DPYD: variants seen among roughly 807,000 people sequenced by gnomAD.
DPYD encodes dihydropyrimidine dehydrogenase [NADP(+)].
In DPYD, 109 loss-of-function variants were observed where a neutral mutation model predicts 116.2. That is an observed-to-expected ratio of 0.94 (90% confidence interval 0.80 to 1.10). The LOEUF (loss-of-function observed/expected upper bound fraction) is 1.10, where lower values mean the gene tolerates loss of function less well. Among genes scored for constraint, DPYD ranks in the 50% least tolerant of loss-of-function variants. The probability of loss-of-function intolerance (pLI) is 0.00; values close to 1 mark genes in which losing one functional copy is unlikely to be tolerated. For missense variants in DPYD, 1,302 were observed against 1,254.5 expected (o/e 1.04, Z -0.57); for synonymous variants, 440 against 432.0 (o/e 1.02, Z -0.23).
chr1:97,264,697 T>C (rs1266463977), intron 18 of DPYD, among the ~76,000 whole-genome samples: 1 of 152,144 alleles, frequency 6.6e-6, no homozygotes, highest in Non-Finnish European at 1.5e-5. Context: ...CCATATTTTA[T>C]AGATAATAAA....
At chr1:97,398,377 T>G (rs1395972365) in intron 14 of DPYD, among the ~76,000 whole-genome samples, 5 of 152,206 alleles carry the variant, frequency 3.3e-5, no homozygotes, top group Non-Finnish European at 5.9e-5. Flanking sequence ...TCCAAGTCTT[T>G]GCTATTGTGA....
intron 11 of DPYD, among the ~76,000 whole-genome samples, chr1:97,552,884 A>C: frequency 6.6e-6 from 1 of 152,052 alleles, no homozygotes; most frequent in East Asian, 1.9e-4. Context: ...AATAAAAAGA[A>C]AAAGCTGAGA....
intron 14 of DPYD, among the ~76,000 whole-genome samples, chr1:97,392,954 G>C (rs181425058): frequency 1.1e-4 from 17 of 152,076 alleles, no homozygotes; most frequent in Admixed American, 1.1e-3. Flanking sequence ...GTTCTTAAGG[G>C]CATCTAGAAT....
intron 2 of DPYD, among the ~76,000 whole-genome samples, chr1:97,829,797 G>A (rs527786488): frequency 1.3e-5 from 2 of 150,792 alleles, no homozygotes; most frequent in Non-Finnish European, 3.0e-5. Flanking sequence ...GTACAGGAAC[G>A]TGCAGTTTTG....
chr1:97,369,259 T>C (rs1298129975), intron 16 of DPYD, among the ~76,000 whole-genome samples: 1 of 152,122 alleles, frequency 6.6e-6, no homozygotes, highest in African/African-American at 2.4e-5. Flanking sequence ...AACTTTAAAT[T>C]TGGATGCTAA....
chr1:97,735,852 T>C (rs1467424351), intron 4 of DPYD, among the ~76,000 whole-genome samples: 2 of 151,816 alleles, frequency 1.3e-5, no homozygotes, highest in Non-Finnish European at 2.9e-5. Flanking sequence ...TAACAGCATA[T>C]TTGAAACTGG....
intron 13 of DPYD, among the ~76,000 whole-genome samples, chr1:97,491,194 TATA>T (rs1332050598): frequency 2.0e-5 from 3 of 147,818 alleles, no homozygotes; most frequent in African/African-American, 7.4e-5. Flanking sequence ...TTATATATAA[TATA>T]ATTAGTATAT....
At chr1:97,117,510 A>C (rs1031913558) in intron 20 of DPYD, among the ~76,000 whole-genome samples, 2 of 152,188 alleles carry the variant, frequency 1.3e-5, no homozygotes, top group African/African-American at 4.8e-5. Context: ...ACCCACATTC[A>C]TTCTATAAAG....
intron 20 of DPYD, among the ~76,000 whole-genome samples, chr1:97,146,457 T>C (rs994882842): frequency 1.3e-5 from 2 of 152,198 alleles, no homozygotes; most frequent in African/African-American, 4.8e-5. Context: ...AAGCACACCA[T>C]GTCCAAAGGC....
intron 11 of DPYD, among the ~76,000 whole-genome samples, chr1:97,562,507 T>C (rs1262520462): frequency 6.6e-6 from 1 of 152,048 alleles, no homozygotes; most frequent in African/African-American, 2.4e-5. Context: ...ACAAGTATGG[T>C]TGTTAAAGAG....
rs1557956347 is a variant in DPYD at position 97,229,576 on chromosome 1, ATATATATATAT to A, written c.2442+5265_2442+5275del. Among the ~76,000 whole-genome samples, 394 of 72,502 alleles carry A rather than the reference ATATATATATAT, an allele frequency of 5.4e-3. 6 individuals are homozygous for A. The highest frequency in any genetic ancestry group is 9.5e-3 in the African/African-American group (259 of 27,230). The allele number at this position is 72,502 out of a possible 152,430, so 47.6% of individuals were successfully genotyped here. A position where few individuals can be genotyped will look rare whatever the true frequency, so the allele number is the denominator to read the frequency against. On this transcript the variant is annotated intron_variant, in intron 19 of 22. Coordinates refer to ENST00000370192, the MANE Select transcript of DPYD (RefSeq NM_000110.4). ...TATATATATATATATATATATATAT[ATATATATATAT>A]ATACTGATTTTAATTCATACTTTAG... is the stretch of plus-strand genomic sequence containing the variant.
At chr1:97,786,533 C>A (rs1020222358) in intron 3 of DPYD, among the ~76,000 whole-genome samples, 3 of 152,172 alleles carry the variant, frequency 2.0e-5, no homozygotes, top group African/African-American at 7.2e-5. Flanking sequence ...ACCATCCATT[C>A]AATATTTATC....
At chr1:97,316,500 C>G (rs1035875647) in intron 16 of DPYD, among the ~76,000 whole-genome samples, 56 of 113,124 alleles carry the variant, frequency 5.0e-4, no homozygotes, top group African/African-American at 1.4e-3. Context: ...GGAGACAGAG[C>G]AAGACTCTGT....
intron 3 of DPYD, among the ~76,000 whole-genome samples, chr1:97,815,042 A>G (rs929114638): frequency 2.6e-5 from 4 of 151,082 alleles, no homozygotes; most frequent in African/African-American, 9.7e-5. Context: ...AAGGAAGGAG[A>G]GAGAGAGAAA....
intron 16 of DPYD, among the ~76,000 whole-genome samples, chr1:97,329,204 T>C (rs1270249978): frequency 6.6e-6 from 1 of 152,174 alleles, no homozygotes; most frequent in Non-Finnish European, 1.5e-5. Context: ...TTTCAGGATG[T>C]GGAAATGCTA....
chr1:97,152,138 C>T (rs1655071120), intron 20 of DPYD, among the ~76,000 whole-genome samples: 1 of 152,112 alleles, frequency 6.6e-6, no homozygotes, highest in East Asian at 1.9e-4. Context: ...TCAGGAATCT[C>T]CTTCTGCTAC....
intron 8 of DPYD, among the ~76,000 whole-genome samples, chr1:97,649,781 AT>A (rs1182053119): frequency 6.6e-6 from 1 of 152,082 alleles, no homozygotes; most frequent in Admixed American, 6.6e-5. Flanking sequence ...AGACACTCTT[AT>A]TTTTAAGCCA....
chr1:97,439,235 T>C (rs1675626190), intron 14 of DPYD, among the ~76,000 whole-genome samples: 1 of 152,132 alleles, frequency 6.6e-6, no homozygotes. Flanking sequence ...CTGGAGTTCC[T>C]TGTACTCTTT....
chr1:97,135,368 C>T (rs1160884104), intron 20 of DPYD, among the ~76,000 whole-genome samples: 4 of 152,066 alleles, frequency 2.6e-5, no homozygotes, highest in Non-Finnish European at 5.9e-5. Context: ...CCTAGACATC[C>T]CCTTTTATCA....
Sources: allele counts gnomAD v4.1 joint callset (sites outside exome capture counted in the v4.1 genomes callset), GRCh38; gene constraint gnomAD v4.1.1; transcripts MANE v1.5; gene names NCBI Gene and HGNC (gene_info 2026-07-23, HGNC 2026-07-21).